Variants in DHTKD1 observed in about 807,000 individuals in gnomAD.
DHTKD1 encodes the protein 2-oxoadipate dehydrogenase complex component E1.
In DHTKD1, 78 loss-of-function variants were observed where a neutral mutation model predicts 101.8. The ratio of observed to expected loss-of-function variants is 0.77; its 90% CI spans 0.64 to 0.93. DHTKD1 has a LOEUF of 0.93. Among genes scored for constraint, DHTKD1 ranks in the 40% least tolerant of loss-of-function variants. DHTKD1 has a pLI of 0.00. For synonymous variants in DHTKD1, 462 were observed against 450.3 expected (o/e 1.03, Z -0.33); for missense variants, 1,223 against 1,161.7 (o/e 1.05, Z -0.77).
chr10:12,070,664 T>A (rs1489751197), intron 1 of DHTKD1, among the ~76,000 whole-genome samples: 1 of 152,082 alleles, frequency 6.6e-6, no homozygotes, highest in African/African-American at 2.4e-5. Context: ...AATTTTTGTA[T>A]TTTTAGTAGA....
At chr10:12,088,715 C>T (rs375938580) in intron 4 of DHTKD1, among the ~76,000 whole-genome samples, 45 of 152,108 alleles carry the variant, frequency 3.0e-4, no homozygotes, top group African/African-American at 9.6e-4. Context: ...TCTCTACTAG[C>T]TGGGATTACA....
chr10:12,071,597 T>G (rs1481199159), intron 1 of DHTKD1, among the ~76,000 whole-genome samples: 2 of 149,742 alleles, frequency 1.3e-5, no homozygotes, highest in African/African-American at 4.9e-5. Context: ...TGGTGAAACC[T>G]CGTCTCTAGC....
At chr10:12,076,300 A>C (rs534320052) in intron 1 of DHTKD1, among the ~76,000 whole-genome samples, 48 of 152,288 alleles carry the variant, frequency 3.2e-4, no homozygotes, top group African/African-American at 1.1e-3. Flanking sequence ...ACACGGTGAA[A>C]CCCCGTCTCT....
At chr10:12,093,983 C>T (rs1833030316) in intron 6 of DHTKD1, 90 bp from the exon 7 acceptor site, 1 of 1,129,212 alleles carries the variant, frequency 8.9e-7, no homozygotes, top group Non-Finnish European at 1.3e-6. Flanking sequence ...GAGGATTGGG[C>T]TGTCTTTTGA....
At chr10:12,100,043 G>T (rs537084390) in intron 8 of DHTKD1, 135 bp from the exon 9 acceptor site, 5 of 510,636 alleles carry the variant, frequency 9.8e-6, no homozygotes, top group Admixed American at 3.3e-5. Flanking sequence ...TGATCCACCC[G>T]CCTGGGCCTC....
intron 11 of DHTKD1, 88 bp downstream of exon 11, chr10:12,106,484 G>T: frequency 6.5e-7 from 1 of 1,532,008 alleles, no homozygotes; most frequent in Non-Finnish European, 9.0e-7. Context: ...AGGGGCCACT[G>T]CTGCCTTGAG....
intron 13 of DHTKD1, among the ~76,000 whole-genome samples, chr10:12,115,099 TGAACA>T (rs201279734): frequency 4.1e-4 from 12 of 29,134 alleles, no homozygotes; most frequent in African/African-American, 6.4e-4. Context: ...CCGGCCTGTT[TGAACA>T]GTTTCTTGAG....
chr10:12,111,084 C>T (rs555871106), intron 12 of DHTKD1, among the ~76,000 whole-genome samples: 1 of 147,718 alleles, frequency 6.8e-6, no homozygotes. Context: ...ATCAACTTAA[C>T]TCTTTTGAGG....
chr10:12,072,461 C>CAATA (rs71382613), intron 1 of DHTKD1, among the ~76,000 whole-genome samples: 2,176 of 148,422 alleles, frequency 0.015, 30 homozygotes, highest in Non-Finnish European at 0.02. Context: ...GACTCTGTCT[C>CAATA]AATAAATAAA....
At chr10:12,106,206 G>A (rs370357164) in intron 10 of DHTKD1, 40 bp from the exon 11 acceptor site, 190 of 1,612,028 alleles carry the variant, frequency 1.2e-4, no homozygotes, top group Non-Finnish European at 1.5e-4. Context: ...CTCTGCCGTG[G>A]CCCTCACATG....
At chr10:12,069,879 T>C (rs912293390) in intron 1 of DHTKD1, among the ~76,000 whole-genome samples, 21 of 151,612 alleles carry the variant, frequency 1.4e-4, no homozygotes, top group African/African-American at 4.4e-4. Flanking sequence ...GTGGGAGAAG[T>C]AAAGTTTTAA....
intron 13 of DHTKD1, among the ~76,000 whole-genome samples, chr10:12,115,600 C>T (rs1332973362): frequency 6.6e-6 from 1 of 152,122 alleles, no homozygotes; most frequent in Non-Finnish European, 1.5e-5. Context: ...CCAATAGCAG[C>T]CATTCATTTT....
At chr10:12,090,536 G>T (rs1307945730) in intron 5 of DHTKD1, among the ~76,000 whole-genome samples, 1 of 151,276 alleles carries the variant, frequency 6.6e-6, no homozygotes, top group Admixed American at 6.6e-5. Context: ...AGGCAGGAGT[G>T]CAATGGTGCA....
At chr10:12,108,066 G>C (rs761689676) in intron 12 of DHTKD1, 51 bp downstream of exon 12, 55 of 1,400,086 alleles carry the variant, frequency 3.9e-5, no homozygotes, top group Non-Finnish European at 5.1e-5. Context: ...GCTTCCTAGA[G>C]CTTTTCTACC....
chr10:12,106,328 T>C lies in DHTKD1; in HGVS notation c.1979T>C (p.Leu660Pro), dbSNP rs368363276. Residue 660 changes from leucine to proline, a missense_variant, in exon 11 of 17, where the codon CTG becomes CCG. Physicochemically the swap from Leu to Pro is moderately conservative, Grantham distance 98. Coordinates refer to ENST00000263035, the MANE Select transcript of DHTKD1 (RefSeq NM_018706.7). ...MSIESPKLLPLWEAQFGDFFN... is the reference protein window; with the variant it reads ...MSIESPKLLPPWEAQFGDFFN... ...ATTGAGAGCCCAAAGTTACTGCCCCTGTGGGAGGCACAGTTTGGCGATTTC... is the reference window on the plus strand; with the variant it reads ...ATTGAGAGCCCAAAGTTACTGCCCCCGTGGGAGGCACAGTTTGGCGATTTC... 1 of 1,614,042 alleles carries C rather than the reference T, an allele frequency of 6.2e-7. No homozygotes were observed. The highest frequency in any genetic ancestry group is 1.3e-5 in the African/African-American group (1 of 74,922).
chr10:12,116,654 G>C (rs1041643111), intron 13 of DHTKD1, among the ~76,000 whole-genome samples: 1 of 151,198 alleles, frequency 6.6e-6, no homozygotes, highest in Non-Finnish European at 1.5e-5. Flanking sequence ...GCCTCCCAAA[G>C]TGCTGGGATT....
chr10:12,119,681 G>T (rs1833494255), intron 15 of DHTKD1, among the ~76,000 whole-genome samples: 1 of 152,036 alleles, frequency 6.6e-6, no homozygotes, highest in Non-Finnish European at 1.5e-5. Context: ...AGGGTCATGG[G>T]GGAGGAGGGA....
Position 12,099,774 on chromosome 10 carries a change from T to A in DHTKD1, c.1672-404T>A, listed in dbSNP as rs189866767. Among the ~76,000 whole-genome samples, 642 of 151,306 alleles carry A rather than the reference T, an allele frequency of 4.2e-3. 7 individuals are homozygous for A. Among genetic ancestry groups the A allele is most frequent in the African/African-American group, 0.012 (479 of 41,428 alleles). ...ACTCTGTTTTTATTCAGCATTGTTT[T>A]TGATGCTTAATTTCGTTGCTTTTTT... On this transcript the variant is annotated intron_variant, in intron 8 of 16. Coordinates refer to ENST00000263035, the MANE Select transcript of DHTKD1 (RefSeq NM_018706.7).
intron 13 of DHTKD1, chr10:12,116,429 T>C (rs757613831): frequency 6.6e-6 from 1 of 151,712 alleles, no homozygotes; most frequent in Non-Finnish European, 1.5e-5. Flanking sequence ...AGTTTCCTGT[T>C]ACCCAGGCTA....
Sources: gnomAD v4.1 joint callset for allele counts (sites outside exome capture counted in the v4.1 genomes callset) on GRCh38, gnomAD v4.1.1 for gene constraint, MANE v1.5 for transcripts, NCBI Gene and HGNC (gene_info 2026-07-23, HGNC 2026-07-21) for gene names.